PPM1L: variants seen among roughly 807,000 people sequenced by gnomAD.
PPM1L encodes the protein protein phosphatase, Mg2+/Mn2+ dependent 1L.
A neutral mutation model predicts 31.4 loss-of-function variants in PPM1L; 13 were observed. The observed-to-expected ratio is 0.41, with a 90% CI of 0.27 to 0.66. PPM1L has a LOEUF of 0.66. Ranked by LOEUF, PPM1L falls within the 30% of genes least tolerant of loss-of-function variation. The pLI is 0.29. For missense variants in PPM1L, 326 were observed against 453.7 expected (o/e 0.72, Z 2.56); for synonymous variants, 184 against 175.4 (o/e 1.05, Z -0.39).
At chr3:161,009,545 A>G (rs922778465) in intron 2 of PPM1L, among the ~76,000 whole-genome samples, 1 of 152,170 alleles carries the variant, frequency 6.6e-6, no homozygotes, top group Non-Finnish European at 1.5e-5. Flanking sequence ...CTTTTCATTC[A>G]TTACTCATCC....
At chr3:160,999,233 C>CTGA (rs1328859925) in intron 2 of PPM1L, among the ~76,000 whole-genome samples, 1 of 152,090 alleles carries the variant, frequency 6.6e-6, no homozygotes, top group East Asian at 1.9e-4. Context: ...GATGAAGAGA[C>CTGA]TGAGGTTAAG....
chr3:161,015,158 A>G (rs1344144335), intron 2 of PPM1L, among the ~76,000 whole-genome samples: 1 of 151,820 alleles, frequency 6.6e-6, no homozygotes, highest in African/African-American at 2.4e-5. Context: ...ATCATAATAC[A>G]CATTTCTATT....
chr3:160,980,730 GAAAAAGAA>G (rs1559912371), intron 2 of PPM1L, among the ~76,000 whole-genome samples: 1 of 140,674 alleles, frequency 7.1e-6, no homozygotes, highest in Non-Finnish European at 1.5e-5. Flanking sequence ...GAGAGAGAGA[GAAAAAGAA>G]AGAGAAAGAA....
At chr3:160,938,542 G>A (rs1715055770) in intron 1 of PPM1L, among the ~76,000 whole-genome samples, 1 of 152,064 alleles carries the variant, frequency 6.6e-6, no homozygotes, top group South Asian at 2.1e-4. Context: ...GATTATATAG[G>A]CTTTGCAGAT....
rs75599237 is a variant in PPM1L at position 160,973,764 on chromosome 3, G to GTTTTTTTTTTTTTTTTT, written c.574+11867_574+11883dup. On this transcript the variant is annotated intron_variant, in intron 2 of 3. Transcript: ENST00000498165. ...GGTAAATTGCCTTCTGAAAGGCCCT[G>GTTTTTTTTTTTTTTTTT]TTTTTTTTTTTTTTTTTTTTTTTTT... Among the ~76,000 whole-genome samples the GTTTTTTTTTTTTTTTTT allele has an allele frequency of 7.5e-4, 66 of 88,460 alleles. 2 individuals are homozygous for GTTTTTTTTTTTTTTTTT. The highest frequency in any genetic ancestry group is 1.2e-3 in the Non-Finnish European group (46 of 39,144). 58.0% of individuals were successfully genotyped at this position (88,460 alleles called of 152,430 possible).
intron 1 of PPM1L, among the ~76,000 whole-genome samples, chr3:160,860,552 A>G (rs1357157641): frequency 6.6e-6 from 1 of 152,216 alleles, no homozygotes; most frequent in East Asian, 1.9e-4. Flanking sequence ...GCATCATTGC[A>G]CAGGAAATTG....
chr3:160,905,708 A>G (rs1200055423), intron 1 of PPM1L, among the ~76,000 whole-genome samples: 1 of 152,174 alleles, frequency 6.6e-6, no homozygotes, highest in Non-Finnish European at 1.5e-5. Flanking sequence ...ATTGAAATAC[A>G]TCTAGCTTTT....
chr3:160,862,995 T>G (rs1381250618), intron 1 of PPM1L, among the ~76,000 whole-genome samples: 1 of 152,156 alleles, frequency 6.6e-6, no homozygotes, highest in Non-Finnish European at 1.5e-5. Context: ...CACAGCAGGA[T>G]CCTTTGCTAA....
At chr3:160,934,996 G>C (rs733948) in intron 1 of PPM1L, among the ~76,000 whole-genome samples, 53,036 of 151,886 alleles carry the variant, frequency 0.35, 9,368 homozygotes, top group East Asian at 0.46. Context: ...ATGGCTGTAT[G>C]ATGTTTTCTC....
chr3:161,032,037 C>A (rs1301402553), intron 2 of PPM1L, among the ~76,000 whole-genome samples: 2 of 152,192 alleles, frequency 1.3e-5, no homozygotes, highest in African/African-American at 4.8e-5. Flanking sequence ...TACCACATCC[C>A]ATACTCCTTC....
chr3:160,849,419 CTT>C (rs540982855), intron 1 of PPM1L, among the ~76,000 whole-genome samples: 1 of 143,362 alleles, frequency 7.0e-6, no homozygotes, highest in African/African-American at 2.6e-5. Context: ...TTCTTTCTTT[CTT>C]TTTTTTTTTT....
At chr3:160,925,182 A>G (rs1029570311) in intron 1 of PPM1L, among the ~76,000 whole-genome samples, 2 of 152,214 alleles carry the variant, frequency 1.3e-5, no homozygotes, top group African/African-American at 4.8e-5. Context: ...ATGACCATTT[A>G]CAACAGCCGC....
At chr3:160,771,817 G>A (rs1715264002) in intron 1 of PPM1L, among the ~76,000 whole-genome samples, 1 of 151,626 alleles carries the variant, frequency 6.6e-6, no homozygotes, top group Non-Finnish European at 1.5e-5. Flanking sequence ...TGGGCACTCA[G>A]CCTGTTAATT....
intron 1 of PPM1L, among the ~76,000 whole-genome samples, chr3:160,805,774 C>G (rs982677723): frequency 6.6e-6 from 1 of 152,094 alleles, no homozygotes; most frequent in African/African-American, 2.4e-5. Flanking sequence ...TTCTACCTCC[C>G]CCACCTTTAA....
chr3:160,899,937 A>G (rs1002687257), intron 1 of PPM1L, among the ~76,000 whole-genome samples: 3 of 152,164 alleles, frequency 2.0e-5, no homozygotes, highest in Non-Finnish European at 4.4e-5. Context: ...TGAGCTAACA[A>G]ATTATCACAC....
chr3:161,068,968 C>A lies in PPM1L; in HGVS notation c.894C>A (p.Ile298=). 1 of 1,614,214 alleles carries A rather than the reference C, an allele frequency of 6.2e-7. No homozygotes were observed. The highest frequency in any genetic ancestry group is 1.3e-5 in the African/African-American group (1 of 75,054). The change falls in exon 4 of 4, where the codon ATC becomes ATA. Residue 298 remains isoleucine (I), a synonymous_variant. Transcript: ENST00000498165. ...DLDKLQPEFM[I]LASDGLWDAF... is the part of the protein sequence containing the mutation. ...ACAAGCTTCAGCCTGAGTTCATGAT[C>A]TTGGCATCAGATGGTCTCTGGGATG...
chr3:160,879,712 T>C (rs1712639432), intron 1 of PPM1L, among the ~76,000 whole-genome samples: 1 of 152,232 alleles, frequency 6.6e-6, no homozygotes, highest in African/African-American at 2.4e-5. Flanking sequence ...AGGGCATGCC[T>C]GTTAAAACAC....
intron 1 of PPM1L, among the ~76,000 whole-genome samples, chr3:160,840,741 A>AG (rs1365275395): frequency 3.0e-4 from 43 of 145,302 alleles, no homozygotes; most frequent in African/African-American, 1.1e-3. Flanking sequence ...AGAGAGAGAG[A>AG]AGGAGAGAGA....
intron 2 of PPM1L, among the ~76,000 whole-genome samples, chr3:160,996,211 C>T (rs1309555098): frequency 6.6e-6 from 1 of 152,136 alleles, no homozygotes. Flanking sequence ...CTAGTACAAC[C>T]ACTATGGAAA....
Sources: gnomAD v4.1 joint callset for allele counts (sites outside exome capture counted in the v4.1 genomes callset) on GRCh38, gnomAD v4.1.1 for gene constraint, MANE v1.5 for transcripts, NCBI Gene and HGNC (gene_info 2026-07-23, HGNC 2026-07-21) for gene names.